The following MGAT4C variants were observed in gnomAD, a reference collection of about 807,000 sequenced individuals.
MGAT4C encodes alpha-1,3-mannosyl-glycoprotein 4-beta-N-acetylglucosaminyltransferase C.
In MGAT4C, 19 loss-of-function variants were observed where a neutral mutation model predicts 40.1. The observed-to-expected ratio is 0.47, with a 90% CI of 0.33 to 0.70. The LOEUF (loss-of-function observed/expected upper bound fraction) is 0.70, where lower values mean the gene tolerates loss of function less well. MGAT4C is among the 30% of genes least tolerant of loss of function. The pLI is 0.02. For missense variants in MGAT4C, 491 were observed against 563.2 expected, an observed-to-expected ratio of 0.87 and a Z score of 1.30; for synonymous variants, 181 against 187.1, an observed-to-expected ratio of 0.97 and a Z score of 0.27.
At chr12:86,182,642 A>G (rs573844596) in intron 1 of MGAT4C, among the ~76,000 whole-genome samples, 39 of 149,534 alleles carry the variant, frequency 2.6e-4, no homozygotes, top group African/African-American at 9.4e-4. Flanking sequence ...TTTCTCCTTT[A>G]TTTCCTCCAT....
chr12:86,399,482 C>A (rs559780954), intron 3 of MGAT4C, among the ~76,000 whole-genome samples: 2 of 151,846 alleles, frequency 1.3e-5, no homozygotes, highest in Non-Finnish European at 2.9e-5. Context: ...GGGGTTTCAC[C>A]GTGTTAGCCA....
At chr12:86,043,992 T>A (rs1305641887) in intron 2 of MGAT4C, among the ~76,000 whole-genome samples, 2 of 152,250 alleles carry the variant, frequency 1.3e-5, no homozygotes, top group Non-Finnish European at 2.9e-5. Flanking sequence ...TTTTCTCATC[T>A]GTGCAGGCTG....
intron 2 of MGAT4C, among the ~76,000 whole-genome samples, chr12:86,717,030 G>GT: frequency 6.6e-6 from 1 of 152,166 alleles, no homozygotes; most frequent in Middle Eastern, 3.4e-3. Context: ...GTTTCTCATG[G>GT]TTTGTGACAA....
At chr12:86,344,715 TCGG>T (rs1334529772) in intron 3 of MGAT4C, among the ~76,000 whole-genome samples, 16 of 125,170 alleles carry the variant, frequency 1.3e-4, no homozygotes. Flanking sequence ...CTATCTCTTC[TCGG>T]TGTGTGTGTG....
At chr12:86,177,304 T>G (rs1887557739) in intron 1 of MGAT4C, among the ~76,000 whole-genome samples, 1 of 152,186 alleles carries the variant, frequency 6.6e-6, no homozygotes, top group Non-Finnish European at 1.5e-5. Flanking sequence ...CCCTAGGATA[T>G]TCTCATACTA....
At chr12:86,578,872 T>C (rs1012767267) in intron 2 of MGAT4C, among the ~76,000 whole-genome samples, 3 of 151,662 alleles carry the variant, frequency 2.0e-5, no homozygotes, top group Admixed American at 6.6e-5. Flanking sequence ...ATTTTTTTCT[T>C]CTAATGTTTT....
At chr12:86,795,306 C>T (rs1383136096) in intron 1 of MGAT4C, among the ~76,000 whole-genome samples, 1 of 151,802 alleles carries the variant, frequency 6.6e-6, no homozygotes, top group Non-Finnish European at 1.5e-5. Flanking sequence ...AACCTGTGTA[C>T]CATTGATTAG....
At chr12:86,663,317 A>G (rs1964023419) in intron 2 of MGAT4C, among the ~76,000 whole-genome samples, 1 of 146,206 alleles carries the variant, frequency 6.8e-6, no homozygotes. Context: ...CCGTGAGCAC[A>G]CTAGCCTGAG....
intron 1 of MGAT4C, among the ~76,000 whole-genome samples, chr12:86,756,527 T>C (rs1213965008): frequency 6.6e-6 from 1 of 152,168 alleles, no homozygotes; most frequent in Non-Finnish European, 1.5e-5. Context: ...TAAAATAGTC[T>C]TGCATATTTT....
intron 3 of MGAT4C, among the ~76,000 whole-genome samples, chr12:86,377,823 T>G (rs1467705149): frequency 1.3e-5 from 2 of 152,158 alleles, no homozygotes; most frequent in African/African-American, 4.8e-5. Context: ...CTTTCCAAAC[T>G]GAAATCCTAT....
At chr12:86,527,276 A>G (rs914102957) in intron 2 of MGAT4C, among the ~76,000 whole-genome samples, 1 of 152,160 alleles carries the variant, frequency 6.6e-6, no homozygotes, top group Non-Finnish European at 1.5e-5. Flanking sequence ...TTCTTTCTCT[A>G]TTGTATGTTC....
At chr12:86,780,035 T>TTGCC (rs1951811426) in intron 1 of MGAT4C, among the ~76,000 whole-genome samples, 1 of 152,066 alleles carries the variant, frequency 6.6e-6, no homozygotes, top group Non-Finnish European at 1.5e-5. Flanking sequence ...TAAAATGAAA[T>TTGCC]AATATAATTG....
chr12:86,044,131 T>C (rs1413752994), intron 2 of MGAT4C, among the ~76,000 whole-genome samples: 2 of 152,184 alleles, frequency 1.3e-5, no homozygotes, highest in East Asian at 3.9e-4. Context: ...TCTGGAAGAT[T>C]TTAGGGGTCT....
At chr12:86,444,307 C>A (rs1957293476) in intron 2 of MGAT4C, among the ~76,000 whole-genome samples, 1 of 152,100 alleles carries the variant, frequency 6.6e-6, no homozygotes, top group Non-Finnish European at 1.5e-5. Context: ...GGCTCATTTG[C>A]CGGCTTCTTT....
chr12:85,971,534 T>C lies in MGAT4C; in HGVS notation c.*7755A>G, dbSNP rs1883623954. ...GTTCATCCCATGGCAGAAAAGTGTTTATCCACTTAGTAAAATGGAAAACAC... is the reference window on the plus strand; with the variant it reads ...GTTCATCCCATGGCAGAAAAGTGTTCATCCACTTAGTAAAATGGAAAACAC... On this transcript the variant is annotated 3_prime_UTR_variant, in exon 5 of 5. Coordinates refer to ENST00000611864, the MANE Select transcript of MGAT4C (RefSeq NM_001351288.2). 6.6e-6 allele frequency: 1 copy of C among 151,320 alleles called. No homozygotes were observed. 9.4% of individuals were successfully genotyped at this position (151,320 alleles called of 1,614,324 possible). A position where few individuals can be genotyped will look rare whatever the true frequency, so the allele number is the denominator to read the frequency against.
intron 4 of MGAT4C, among the ~76,000 whole-genome samples, chr12:86,319,762 T>C (rs1188135551): frequency 1.3e-5 from 2 of 152,166 alleles, no homozygotes; most frequent in African/African-American, 4.8e-5. Context: ...CTAGGAAATA[T>C]TATATTAGCA....
intron 2 of MGAT4C, among the ~76,000 whole-genome samples, chr12:86,641,380 G>A (rs1413127466): frequency 1.3e-5 from 2 of 151,298 alleles, no homozygotes; most frequent in African/African-American, 4.9e-5. Flanking sequence ...GGGGTGGGGG[G>A]AGAGGGGAGG....
At chr12:86,396,637 T>C (rs1028780981) in intron 3 of MGAT4C, among the ~76,000 whole-genome samples, 4 of 152,156 alleles carry the variant, frequency 2.6e-5, no homozygotes, top group Non-Finnish European at 5.9e-5. Flanking sequence ...AGGAGTGAGA[T>C]AGGATGCAGA....
intron 2 of MGAT4C, among the ~76,000 whole-genome samples, chr12:86,435,618 T>A (rs961037447): frequency 1.4e-4 from 22 of 151,932 alleles, no homozygotes; most frequent in African/African-American, 5.3e-4. Flanking sequence ...CAGGCCAGTA[T>A]TTATGTACTA....
Sources: gnomAD v4.1 joint callset for allele counts (sites outside exome capture counted in the v4.1 genomes callset) on GRCh38, gnomAD v4.1.1 for gene constraint, MANE v1.5 for transcripts, NCBI Gene and HGNC (gene_info 2026-07-23, HGNC 2026-07-21) for gene names.